The following HOXC4 variants were observed in gnomAD, a reference collection of about 807,000 sequenced individuals.
HOXC4 encodes homeobox protein Hox-C4.
HOXC4 carries 15 observed loss-of-function variants against 25.5 expected under a neutral mutation model. The ratio of observed to expected loss-of-function variants is 0.59; its 90% CI spans 0.39 to 0.91. The LOEUF (loss-of-function observed/expected upper bound fraction) is 0.91. Ranked by LOEUF, HOXC4 falls within the 40% of genes least tolerant of loss-of-function variation. HOXC4 has a pLI of 0.00. For missense variants in HOXC4, 342 were observed against 352.4 expected (o/e 0.97, Z 0.24); for synonymous variants, 165 against 148.0 (o/e 1.11, Z -0.83).
At chr12:54,035,088 A>C in intron 1 of HOXC4, 1 of 151,554 alleles carries the variant, frequency 6.6e-6, no homozygotes, top group Admixed American at 6.6e-5. Flanking sequence ...TATCTCCACA[A>C]CCTCTTCCCC....
chr12:54,023,064 C>A (rs963924526), intron 1 of HOXC4, among the ~76,000 whole-genome samples: 1 of 152,132 alleles, frequency 6.6e-6, no homozygotes, highest in African/African-American at 2.4e-5. Flanking sequence ...CTCAAGTGTC[C>A]CTAGGCATCT....
At chr12:54,044,259 A>G (rs1400742361) in intron 1 of HOXC4, among the ~76,000 whole-genome samples, 3 of 152,070 alleles carry the variant, frequency 2.0e-5, no homozygotes, top group Non-Finnish European at 4.4e-5. Flanking sequence ...CCAGTAAACT[A>G]AAGGAGAAAT....
At chr12:54,021,273 A>G (rs1456244595) in intron 1 of HOXC4, 1 of 152,146 alleles carries the variant, frequency 6.6e-6, no homozygotes, top group Non-Finnish European at 1.5e-5. Flanking sequence ...AGGTCCCCCA[A>G]ATACCCAGAT....
intron 1 of HOXC4, chr12:54,033,214 C>T (rs199703080): frequency 6.2e-7 from 1 of 1,614,204 alleles, no homozygotes; most frequent in East Asian, 2.2e-5. Context: ...GGATCGGCCT[C>T]AGAGGTGCAG....
At chr12:54,028,611 C>G in intron 1 of HOXC4, 1 of 1,614,168 alleles carries the variant, frequency 6.2e-7, no homozygotes, top group South Asian at 1.1e-5. Flanking sequence ...ATTCCACCGC[C>G]TATGATCCAG....
At chr12:54,049,969 C>G (rs1029724762), upstream of HOXC4, among the ~76,000 whole-genome samples, 1 of 152,112 alleles carries the variant, frequency 6.6e-6, no homozygotes, top group African/African-American at 2.4e-5. Flanking sequence ...ACAACAACAA[C>G]AACAACATTC....
At chr12:54,028,198 C>A (rs1221836447) in intron 1 of HOXC4, among the ~76,000 whole-genome samples, 1 of 151,988 alleles carries the variant, frequency 6.6e-6, no homozygotes, top group Non-Finnish European at 1.5e-5. Flanking sequence ...TCCCAAGGCC[C>A]TGCTCAGGGA....
chr12:54,036,631 G>C (rs1415368386), intron 1 of HOXC4, among the ~76,000 whole-genome samples: 1 of 152,146 alleles, frequency 6.6e-6, no homozygotes, highest in Non-Finnish European at 1.5e-5. Flanking sequence ...TAGGGCGCCT[G>C]TTGTCTCTCC....
chr12:54,034,810 T>C, intron 1 of HOXC4: 1 of 340,398 alleles, frequency 2.9e-6, no homozygotes, highest in Non-Finnish European at 5.6e-6. Context: ...GCCTGGGCCG[T>C]ATCTCCGGCT....
At chr12:54,032,769 T>C (rs562119809) in intron 1 of HOXC4, 1 of 170,394 alleles carries the variant, frequency 5.9e-6, no homozygotes, top group South Asian at 1.6e-4. Flanking sequence ...GGGCTTGTTG[T>C]CCCGGCTACC....
intron 1 of HOXC4, chr12:54,028,267 A>ATAT (rs3031476): frequency 9.3e-5 from 7 of 75,366 alleles, no homozygotes; most frequent in Admixed American, 3.5e-4. Flanking sequence ...ATATATATAT[A>ATAT]TTTTTTAAAA....
At chr12:54,018,456 G>A (rs1378354516) in intron 1 of HOXC4, among the ~76,000 whole-genome samples, 1 of 152,246 alleles carries the variant, frequency 6.6e-6, no homozygotes, top group East Asian at 1.9e-4. Flanking sequence ...GGGGCTGCTG[G>A]CTTATGGGGT....
upstream of HOXC4, among the ~76,000 whole-genome samples, chr12:54,051,872 A>C (rs1937854412): frequency 6.6e-6 from 1 of 152,192 alleles, no homozygotes; most frequent in African/African-American, 2.4e-5. Flanking sequence ...GGAAGCCCTA[A>C]TTTGGAAGTG....
Position 54,034,244 on chromosome 12 carries a change from C to A in HOXC4, c.-124+16830C>A, listed in dbSNP as rs746837327. 5 of 1,577,450 alleles carry A rather than the reference C, an allele frequency of 3.2e-6. No individual in the cohort carries two copies. The South Asian group carries it at 4.4e-5, about 14-fold the overall frequency. On this transcript the variant is annotated intron_variant, in intron 1 of 3. Coordinates refer to the HOXC4 transcript ENST00000303406. ...CGGGGGAACGCTGCAAGCTATTCAC[C>A]CCTTCCTGGCTTGGGGTGGGGTTTA...
At chr12:54,040,664 G>C (rs528965651) in intron 1 of HOXC4, among the ~76,000 whole-genome samples, 141 of 152,328 alleles carry the variant, frequency 9.3e-4, no homozygotes, top group African/African-American at 3.3e-3. Context: ...CTCTAAATTA[G>C]ACTATAGAGC....
At chr12:54,047,942 T>A (rs1450052467) in intron 1 of HOXC4, 1 of 152,174 alleles carries the variant, frequency 6.6e-6, no homozygotes, top group East Asian at 1.9e-4. Flanking sequence ...CCAAATGGCA[T>A]CAAGATGCTG....
chr12:54,032,192 T>C (rs569618334), intron 1 of HOXC4, among the ~76,000 whole-genome samples: 2 of 152,336 alleles, frequency 1.3e-5, no homozygotes, highest in African/African-American at 4.8e-5. Context: ...GTTGCCACTC[T>C]GGGGACCCTA....
At chr12:54,053,734 A>C, upstream of HOXC4, 3 of 411,336 alleles carry the variant, frequency 7.3e-6, no homozygotes, top group Non-Finnish European at 1.3e-5. Context: ...ACCACCACAC[A>C]CACAAAAAAA....
At chr12:54,025,337 A>G (rs1437437401) in intron 1 of HOXC4, among the ~76,000 whole-genome samples, 1 of 152,228 alleles carries the variant, frequency 6.6e-6, no homozygotes, top group Admixed American at 6.5e-5. Context: ...ATAGACAGCC[A>G]TTCTTTTGCC....
Sources: gnomAD v4.1 joint callset for allele counts (sites outside exome capture counted in the v4.1 genomes callset) on GRCh38, gnomAD v4.1.1 for gene constraint, MANE v1.5 for transcripts, NCBI Gene and HGNC (gene_info 2026-07-23, HGNC 2026-07-21) for gene names.